DLGAP2: variants seen among roughly 807,000 people sequenced by gnomAD.
The protein encoded by DLGAP2 is DLG associated protein 2, also known as disks large-associated protein 2.
Under a neutral mutation model 100.3 loss-of-function variants are expected in DLGAP2, and 26 were observed. The ratio of observed to expected loss-of-function variants is 0.26; its 90% CI spans 0.19 to 0.36. The LOEUF (loss-of-function observed/expected upper bound fraction) is 0.36, where lower values mean the gene tolerates loss of function less well. Ranked by LOEUF, DLGAP2 falls within the 10% of genes least tolerant of loss-of-function variation. The pLI is 1.00. For missense variants in DLGAP2, 1,858 were observed against 1,453.2 expected (o/e 1.28, Z -4.53); for synonymous variants, 886 against 630.1 (o/e 1.41, Z -6.08).
intron 4 of DLGAP2, among the ~76,000 whole-genome samples, chr8:1,543,209 A>T (rs13258821): frequency 6.6e-6 from 1 of 151,990 alleles, no homozygotes; most frequent in Non-Finnish European, 1.5e-5. Context: ...AATTTTAGGT[A>T]GTTTATTTTA....
chr8:1,155,446 G>A (rs11989992), intron 2 of DLGAP2, among the ~76,000 whole-genome samples: 268 of 152,288 alleles, frequency 1.8e-3, no homozygotes, highest in Middle Eastern at 6.8e-3. Context: ...GCTTCCCTGG[G>A]AGTCTTTTAG....
intron 1 of DLGAP2, among the ~76,000 whole-genome samples, chr8:855,915 A>G (rs1190378554): frequency 6.6e-6 from 1 of 152,178 alleles, no homozygotes; most frequent in Admixed American, 6.5e-5. Flanking sequence ...TCAATAAAGA[A>G]AATCTAACCA....
intron 3 of DLGAP2, among the ~76,000 whole-genome samples, chr8:1,452,404 C>A (rs980198519): frequency 1.3e-5 from 2 of 152,230 alleles, no homozygotes; most frequent in African/African-American, 4.8e-5. Flanking sequence ...GCGACAGGTT[C>A]ATCAGCCCCA....
intron 2 of DLGAP2, among the ~76,000 whole-genome samples, chr8:962,556 T>G (rs1799751178): frequency 6.6e-6 from 1 of 152,060 alleles, no homozygotes; most frequent in Non-Finnish European, 1.5e-5. Context: ...GCCTGACCTG[T>G]GCTCCCAGAG....
At chr8:923,895 A>G (rs540194717) in intron 2 of DLGAP2, among the ~76,000 whole-genome samples, 21 of 152,368 alleles carry the variant, frequency 1.4e-4, no homozygotes, top group African/African-American at 4.8e-4. Context: ...TGTGGCAGGC[A>G]GAAATGGCCT....
intron 1 of DLGAP2, among the ~76,000 whole-genome samples, chr8:849,575 C>T (rs1377130906): frequency 4.6e-5 from 7 of 152,130 alleles, no homozygotes; most frequent in African/African-American, 1.7e-4. Flanking sequence ...CCAGCCTTGC[C>T]CGAAGGTTCC....
intron 12 of DLGAP2, among the ~76,000 whole-genome samples, chr8:1,683,896 GTA>G (rs1554430776): frequency 2.6e-4 from 22 of 83,430 alleles, no homozygotes; most frequent in South Asian, 4.4e-4. Flanking sequence ...GTGTGTGTGT[GTA>G]TACACATATA....
intron 2 of DLGAP2, among the ~76,000 whole-genome samples, chr8:1,051,547 C>T (rs1351212582): frequency 6.6e-6 from 1 of 152,172 alleles, no homozygotes. Flanking sequence ...GTCAAAAAGA[C>T]ACAACAGAGA....
At chr8:1,102,951 C>T (rs1252587077) in intron 2 of DLGAP2, among the ~76,000 whole-genome samples, 3 of 151,404 alleles carry the variant, frequency 2.0e-5, no homozygotes, top group African/African-American at 7.3e-5. Context: ...TCTGGGGTCT[C>T]TGTGGTTTTC....
chr8:1,140,116 C>T (rs890615041), intron 2 of DLGAP2, among the ~76,000 whole-genome samples: 1 of 152,200 alleles, frequency 6.6e-6, no homozygotes, highest in Non-Finnish European at 1.5e-5. Context: ...CTCCCATTTC[C>T]ATTACAAGGA....
chr8:904,883 C>T (rs549802055), intron 1 of DLGAP2, among the ~76,000 whole-genome samples: 47 of 152,316 alleles, frequency 3.1e-4, no homozygotes, highest in Non-Finnish European at 1.8e-4. Context: ...TCATTCTCCT[C>T]TGCGGCCTTC....
At position 1,352,247 on chromosome 8, in the gene DLGAP2, CCGTGTGGGTCCTG is replaced by C. The variant is rs1347521259; in HGVS notation, c.106+93365_106+93377del. On this transcript the variant is annotated intron_variant, in intron 3 of 14. Transcript: ENST00000637795. ...CGGGTCCTGACTGTGTTTGGAAAGG[CCGTGTGGGTCCTG>C]ATCGTGTGTGGAAAGGACGTGCGGG... Among the ~76,000 whole-genome samples the C allele has an allele frequency of 6.4e-3, 790 of 123,574 alleles. 20 individuals are homozygous for C. Among genetic ancestry groups the C allele is most frequent in the Middle Eastern group, 0.019 (4 of 206 alleles). The allele number at this position is 123,574 out of a possible 152,430, so 81.1% of individuals were successfully genotyped here.
chr8:1,347,650 T>A (rs1801596678), intron 3 of DLGAP2, among the ~76,000 whole-genome samples: 2 of 151,178 alleles, frequency 1.3e-5, no homozygotes, highest in Admixed American at 6.6e-5. Context: ...GGAGGTTGAG[T>A]TCCCACACAG....
intron 5 of DLGAP2, among the ~76,000 whole-genome samples, chr8:1,554,444 C>G (rs976348682): frequency 6.6e-6 from 1 of 152,200 alleles, no homozygotes; most frequent in Non-Finnish European, 1.5e-5. Flanking sequence ...TGGGCCACCT[C>G]TGGCCCTCCT....
chr8:1,227,208 G>A (rs371037616), intron 2 of DLGAP2, among the ~76,000 whole-genome samples: 1 of 110,540 alleles, frequency 9.0e-6, no homozygotes, highest in East Asian at 2.6e-4. Flanking sequence ...ATTTTTAAGA[G>A]TGTTATATAT....
intron 2 of DLGAP2, among the ~76,000 whole-genome samples, chr8:960,579 C>T (rs1281283137): frequency 6.6e-6 from 1 of 152,056 alleles, no homozygotes; most frequent in Non-Finnish European, 1.5e-5. Flanking sequence ...AATGATTATT[C>T]TTTATCATAA....
At chr8:1,450,994 A>G (rs1798144267) in intron 3 of DLGAP2, among the ~76,000 whole-genome samples, 1 of 152,080 alleles carries the variant, frequency 6.6e-6, no homozygotes, top group South Asian at 2.1e-4. Flanking sequence ...GTGACAAGGG[A>G]GTCCCAGGGT....
intron 4 of DLGAP2, among the ~76,000 whole-genome samples, chr8:1,539,009 C>T (rs1290561848): frequency 3.3e-5 from 5 of 151,818 alleles, no homozygotes. Context: ...GCTCGGCCTC[C>T]TGAGTAGCTG....
At chr8:1,557,462 G>A (rs1802003951) in intron 5 of DLGAP2, among the ~76,000 whole-genome samples, 1 of 152,130 alleles carries the variant, frequency 6.6e-6, no homozygotes, top group Admixed American at 6.5e-5. Context: ...AGAGGGCAGG[G>A]GTGAGCAGCG....
Sources: allele counts gnomAD v4.1 joint callset (sites outside exome capture counted in the v4.1 genomes callset), GRCh38; gene constraint gnomAD v4.1.1; transcripts MANE v1.5; gene names NCBI Gene and HGNC (gene_info 2026-07-23, HGNC 2026-07-21).